Variants in LINC00305 observed in about 807,000 individuals in gnomAD.
LINC00305 encodes the protein long independently transcribed non-coding RNA 305.
At chr18:64,100,875 A>G (rs2590395) in intron 1 of LINC00305, among the ~76,000 whole-genome samples, 61,253 of 151,858 alleles carry the variant, frequency 0.4, 12,647 homozygotes, top group Non-Finnish European at 0.43. Context: ...GAAGAGTGTC[A>G]TGACTCTTCT....
chr18:64,123,862 T>C (rs1243280668), intron 1 of LINC00305, among the ~76,000 whole-genome samples: 1 of 152,146 alleles, frequency 6.6e-6, no homozygotes, highest in Non-Finnish European at 1.5e-5. Context: ...TATTTGTTAC[T>C]TGAGAGCTGG....
chr18:64,085,032 C>G (rs758355878), intron 3 of LINC00305, among the ~76,000 whole-genome samples: 7 of 152,172 alleles, frequency 4.6e-5, no homozygotes, highest in Non-Finnish European at 8.8e-5. Flanking sequence ...ATATAAGTGA[C>G]TAGTGCTCTA....
intron 1 of LINC00305, among the ~76,000 whole-genome samples, chr18:64,144,035 T>C (rs1374533957): frequency 1.3e-5 from 2 of 152,232 alleles, no homozygotes; most frequent in Admixed American, 1.3e-4. Context: ...CAGTGCTTGC[T>C]AATTATAGAA....
At chr18:64,140,434 C>T (rs1454736744) in intron 1 of LINC00305, among the ~76,000 whole-genome samples, 5 of 152,142 alleles carry the variant, frequency 3.3e-5, no homozygotes, top group Non-Finnish European at 7.4e-5. Context: ...GTCTCGAACA[C>T]GTGACCTCAG....
chr18:64,143,586 A>ACGTATTATGTATACATATG (rs1402769901), intron 1 of LINC00305, among the ~76,000 whole-genome samples: 3 of 100,722 alleles, frequency 3.0e-5, no homozygotes, highest in African/African-American at 9.5e-5. Flanking sequence ...GTATATGTAC[A>ACGTATTATGTATACATATG]TATGTACACA....
chr18:64,099,421 C>G (rs1026957928), intron 1 of LINC00305, among the ~76,000 whole-genome samples: 2 of 152,088 alleles, frequency 1.3e-5, no homozygotes, highest in Non-Finnish European at 2.9e-5. Context: ...TGTTTAAAAC[C>G]TGCTGAGAAC....
chr18:64,130,913 C>T (rs1259421691), intron 1 of LINC00305, among the ~76,000 whole-genome samples: 1 of 152,184 alleles, frequency 6.6e-6, no homozygotes, highest in Non-Finnish European at 1.5e-5. Flanking sequence ...TGTGAAAGAC[C>T]TTTCATACCA....
intron 1 of LINC00305, among the ~76,000 whole-genome samples, chr18:64,100,234 A>G (rs777288568): frequency 2.6e-5 from 4 of 152,136 alleles, no homozygotes; most frequent in Non-Finnish European, 5.9e-5. Context: ...AATTAGCTGT[A>G]GACCAAAGTA....
At chr18:64,143,745 GCGTACATGTATGTACACATATTA>G (rs2051481699) in intron 1 of LINC00305, among the ~76,000 whole-genome samples, 2 of 70,020 alleles carry the variant, frequency 2.9e-5, no homozygotes, top group Non-Finnish European at 6.1e-5. Flanking sequence ...CACATATTAT[GCGTACATGTATGTACACATATTA>G]TGCGTACATG....
chr18:64,088,935 C>T (rs2051214497), intron 3 of LINC00305, among the ~76,000 whole-genome samples: 1 of 152,134 alleles, frequency 6.6e-6, no homozygotes, highest in Non-Finnish European at 1.5e-5. Flanking sequence ...ACGGGACCAA[C>T]CTTAGGGCTG....
At chr18:64,117,040 A>G (rs979235595) in intron 1 of LINC00305, among the ~76,000 whole-genome samples, 6 of 152,176 alleles carry the variant, frequency 3.9e-5, no homozygotes, top group African/African-American at 1.4e-4. Flanking sequence ...TATTCCCCAT[A>G]GTGATTCGCC....
At chr18:64,143,285 A>G (rs1192573459) in intron 1 of LINC00305, among the ~76,000 whole-genome samples, 1 of 152,182 alleles carries the variant, frequency 6.6e-6, no homozygotes, top group Non-Finnish European at 1.5e-5. Flanking sequence ...AGGTAAACAT[A>G]AGATTAACAA....
At chr18:64,147,961 A>G (rs957393388) in intron 1 of LINC00305, among the ~76,000 whole-genome samples, 8 of 151,598 alleles carry the variant, frequency 5.3e-5, no homozygotes, top group African/African-American at 2.4e-5. Context: ...ACAATAGCAC[A>G]CATTCTTTCT....
At chr18:64,120,850 T>C (rs2051358801) in intron 1 of LINC00305, among the ~76,000 whole-genome samples, 1 of 152,154 alleles carries the variant, frequency 6.6e-6, no homozygotes, top group African/African-American at 2.4e-5. Flanking sequence ...ACTTAAATAT[T>C]TCTGTGCACG....
chr18:64,094,193 G>C (rs868168986), intron 3 of LINC00305, among the ~76,000 whole-genome samples: 10 of 152,260 alleles, frequency 6.6e-5, no homozygotes, highest in South Asian at 2.1e-4. Flanking sequence ...CTAAAAACTA[G>C]GGAAAAGAGT....
chr18:64,089,997 A>G (rs906281577), intron 3 of LINC00305, among the ~76,000 whole-genome samples: 1 of 152,182 alleles, frequency 6.6e-6, no homozygotes, highest in African/African-American at 2.4e-5. Flanking sequence ...GTTTCCAGAC[A>G]GGCACACAAT....
intron 1 of LINC00305, among the ~76,000 whole-genome samples, chr18:64,133,929 C>G (rs1053011618): frequency 3.3e-5 from 5 of 152,072 alleles, no homozygotes; most frequent in Non-Finnish European, 7.4e-5. Context: ...TAGATGAAAC[C>G]AGCTTCATAT....
intron 1 of LINC00305, among the ~76,000 whole-genome samples, chr18:64,136,680 G>A (rs930435328): frequency 3.3e-5 from 5 of 152,318 alleles, no homozygotes; most frequent in South Asian, 2.1e-4. Context: ...GTAATAGTCT[G>A]TGGAACACAG....
intron 1 of LINC00305, among the ~76,000 whole-genome samples, chr18:64,134,691 AATTT>A (rs1259023489): frequency 3.9e-5 from 6 of 152,198 alleles, no homozygotes; most frequent in African/African-American, 1.4e-4. Context: ...TCTTTCTCAC[AATTT>A]ATTTACTTGT....
Sources: gnomAD v4.1 joint callset for allele counts (sites outside exome capture counted in the v4.1 genomes callset) on GRCh38, gnomAD v4.1.1 for gene constraint, MANE v1.5 for transcripts, NCBI Gene and HGNC (gene_info 2026-07-23, HGNC 2026-07-21) for gene names.